PRKN: variants seen among roughly 807,000 people sequenced by gnomAD.
The protein encoded by PRKN is parkin RBR E3 ubiquitin protein ligase, also known as E3 ubiquitin-protein ligase parkin.
Under a neutral mutation model 59.5 loss-of-function variants are expected in PRKN, and 56 were observed. That is an observed-to-expected ratio of 0.94 (90% CI 0.76 to 1.18). The LOEUF (loss-of-function observed/expected upper bound fraction) is 1.18, where lower values mean the gene tolerates loss of function less well. PRKN is among the 50% of genes most tolerant of loss of function. The probability of loss-of-function intolerance (pLI) is 0.00; values close to 1 mark genes in which losing one functional copy is unlikely to be tolerated. For missense variants in PRKN, 657 were observed against 596.4 expected, an observed-to-expected ratio of 1.10 and a Z score of -1.06; for synonymous variants, 250 against 222.1, an observed-to-expected ratio of 1.13 and a Z score of -1.12.
intron 6 of PRKN, among the ~76,000 whole-genome samples, chr6:161,962,592 A>C (rs1780423591): frequency 6.8e-6 from 1 of 146,694 alleles, no homozygotes; most frequent in Non-Finnish European, 1.5e-5. Flanking sequence ...CCAGGCTGGC[A>C]GTGGCACAAT....
chr6:161,982,069 G>A (rs536968506), intron 5 of PRKN, among the ~76,000 whole-genome samples: 22 of 152,214 alleles, frequency 1.4e-4, no homozygotes, highest in Non-Finnish European at 2.5e-4. Flanking sequence ...ACCCACATCC[G>A]CCCCTTCTCT....
chr6:162,058,184 G>T (rs539570029), intron 4 of PRKN, among the ~76,000 whole-genome samples: 1 of 152,056 alleles, frequency 6.6e-6, no homozygotes, highest in Non-Finnish European at 1.5e-5. Flanking sequence ...TACACACTTC[G>T]TTTACCAAAA....
intron 3 of PRKN, among the ~76,000 whole-genome samples, chr6:162,234,500 T>C (rs1243580921): frequency 6.6e-6 from 1 of 152,168 alleles, no homozygotes; most frequent in African/African-American, 2.4e-5. Context: ...AGGATGCCCA[T>C]GGATACGACG....
At chr6:162,215,967 G>A (rs569632114) in intron 3 of PRKN, among the ~76,000 whole-genome samples, 3 of 151,662 alleles carry the variant, frequency 2.0e-5, no homozygotes, top group Non-Finnish European at 2.9e-5. Flanking sequence ...TGCTTGAACC[G>A]GGACCCGGGA....
chr6:161,969,277 T>G (rs962552547), intron 6 of PRKN, among the ~76,000 whole-genome samples: 5 of 151,746 alleles, frequency 3.3e-5, no homozygotes, highest in African/African-American at 4.8e-5. Context: ...TGTTTTTTTT[T>G]TTTTTTTTTA....
intron 9 of PRKN, among the ~76,000 whole-genome samples, chr6:161,496,988 G>C (rs1444186521): frequency 6.6e-6 from 1 of 152,210 alleles, no homozygotes; most frequent in Non-Finnish European, 1.5e-5. Flanking sequence ...CATTTCTGCT[G>C]TTCTACGCCA....
In PRKN at chr6:161,503,923, G is replaced by A. The variant is rs526207; in HGVS notation, c.1083+44931C>T. Among the ~76,000 whole-genome samples the A allele has an allele frequency of 0.8, 121,022 of 152,072 alleles. 48,427 individuals carry two copies. Among genetic ancestry groups the A allele is most frequent in the Middle Eastern group, 0.87 (255 of 294 alleles). On this transcript the variant is annotated intron_variant, in intron 9 of 11. Transcript: ENST00000366898. This position sits in a 1 kb window ranked among gnomAD's most constrained non-coding sequence, Gnocchi z 5.1. ...TGATCATTGAGACACCCTAGACAGG[G>A]GGAAAGCATTGAAGAACCTCTGTGG...
chr6:162,069,230 T>C lies in PRKN; in HGVS notation c.535-15056A>G, dbSNP rs143570127. Among the ~76,000 whole-genome samples, 261 of 152,240 alleles carry C rather than the reference T, an allele frequency of 1.7e-3. 2 individuals are homozygous for C. The highest frequency in any genetic ancestry group is 6.0e-3 in the African/African-American group (251 of 41,540). ...TTCTCATGATAGTGAATAAGTCTCA[T>C]GAAATCTGATGGGTGTATCAGGGGT... On this transcript the variant is annotated intron_variant, in intron 4 of 11. Transcript: ENST00000366898.
At chr6:162,500,435 G>A (rs1793314271) in intron 1 of PRKN, among the ~76,000 whole-genome samples, 1 of 152,074 alleles carries the variant, frequency 6.6e-6, no homozygotes, top group South Asian at 2.1e-4. Flanking sequence ...GACTCCTAAA[G>A]TGCTGGGATT....
chr6:162,297,419 T>C (rs1018359786), intron 2 of PRKN, among the ~76,000 whole-genome samples: 2 of 152,032 alleles, frequency 1.3e-5, no homozygotes, highest in Non-Finnish European at 2.9e-5. Context: ...AGGCATTCTT[T>C]CACATCTGGC....
chr6:162,594,058 G>A (rs940100757), intron 1 of PRKN, among the ~76,000 whole-genome samples: 1 of 152,062 alleles, frequency 6.6e-6, no homozygotes, highest in Non-Finnish European at 1.5e-5. Flanking sequence ...GCTGAGGCAG[G>A]AGAATCACTT....
chr6:162,708,662 T>C (rs1397953801), intron 1 of PRKN, among the ~76,000 whole-genome samples: 1 of 152,218 alleles, frequency 6.6e-6, no homozygotes, highest in Non-Finnish European at 1.5e-5. Flanking sequence ...AAAAATCTAA[T>C]AGCGTTTGTT....
At chr6:162,512,414 TCAA>T (rs1777667147) in intron 1 of PRKN, among the ~76,000 whole-genome samples, 1 of 152,166 alleles carries the variant, frequency 6.6e-6, no homozygotes, top group Admixed American at 6.5e-5. Flanking sequence ...AATGCTAGTC[TCAA>T]TTACCAGCAT....
intron 4 of PRKN, among the ~76,000 whole-genome samples, chr6:162,177,759 G>C (rs915325626): frequency 6.6e-6 from 1 of 152,120 alleles, no homozygotes; most frequent in Admixed American, 6.5e-5. Flanking sequence ...ACAAATTAAA[G>C]AGAGTGCTTT....
chr6:162,129,620 G>A (rs1049618624), intron 4 of PRKN, among the ~76,000 whole-genome samples: 5 of 151,728 alleles, frequency 3.3e-5, no homozygotes, highest in Non-Finnish European at 7.4e-5. Flanking sequence ...TTCATTAGAG[G>A]GTGGAGCATT....
chr6:162,691,127 CGAT>C (rs779854740), intron 1 of PRKN, among the ~76,000 whole-genome samples: 82 of 151,948 alleles, frequency 5.4e-4, no homozygotes, highest in Non-Finnish European at 1.0e-3. Flanking sequence ...GATAAGCATC[CGAT>C]GATGATAAGG....
At chr6:162,705,283 G>T (rs565528056) in intron 1 of PRKN, among the ~76,000 whole-genome samples, 1 of 152,080 alleles carries the variant, frequency 6.6e-6, no homozygotes, top group Non-Finnish European at 1.5e-5. Flanking sequence ...TGTTTCAGAA[G>T]AACACTGTTT....
intron 7 of PRKN, among the ~76,000 whole-genome samples, chr6:161,633,520 T>C (rs1314062002): frequency 6.6e-6 from 1 of 152,216 alleles, no homozygotes; most frequent in Non-Finnish European, 1.5e-5. Flanking sequence ...AAACAGACAC[T>C]GTAGACAGTT....
chr6:161,674,374 A>G (rs1016376291), intron 7 of PRKN, among the ~76,000 whole-genome samples: 1 of 152,124 alleles, frequency 6.6e-6, no homozygotes, highest in African/African-American at 2.4e-5. Context: ...TACCACACTC[A>G]TCTGCATTAT....
Sources: allele counts gnomAD v4.1 joint callset (sites outside exome capture counted in the v4.1 genomes callset), GRCh38; gene constraint gnomAD v4.1.1; non-coding constraint Gnocchi (gnomAD v3.1); transcripts MANE v1.5; gene names NCBI Gene and HGNC (gene_info 2026-07-23, HGNC 2026-07-21).